SYNPR: variants seen among roughly 807,000 people sequenced by gnomAD.
The protein encoded by SYNPR is synaptoporin.
SYNPR carries 23 observed loss-of-function variants against 32.9 expected under a neutral mutation model. The observed-to-expected ratio is 0.70, with a 90% CI of 0.50 to 0.99. The LOEUF is 0.99. Ranked by LOEUF, SYNPR falls within the 50% of genes least tolerant of loss-of-function variation. SYNPR has a pLI of 0.00. For missense variants in SYNPR, 318 were observed against 349.3 expected (o/e 0.91, Z 0.71); for synonymous variants, 146 against 135.9 (o/e 1.07, Z -0.52).
intron 4 of SYNPR, among the ~76,000 whole-genome samples, chr3:63,604,992 C>T (rs200758631): frequency 1.3e-4 from 20 of 152,200 alleles, no homozygotes; most frequent in East Asian, 1.9e-4. Context: ...AACAAAATTG[C>T]GATCATTTTA....
intron 3 of SYNPR, among the ~76,000 whole-genome samples, chr3:63,522,819 G>T (rs1199346940): frequency 6.6e-6 from 1 of 152,114 alleles, no homozygotes; most frequent in East Asian, 1.9e-4. Context: ...AGGTCTGAGC[G>T]GAGGCAGAGA....
intron 2 of SYNPR, among the ~76,000 whole-genome samples, chr3:63,284,515 T>C (rs1003894466): frequency 1.3e-5 from 2 of 152,166 alleles, no homozygotes; most frequent in South Asian, 2.1e-4. Context: ...ACATCACCAT[T>C]TTCCCTTTCC....
chr3:63,603,185 C>G (rs993540933), intron 4 of SYNPR, among the ~76,000 whole-genome samples: 1 of 152,120 alleles, frequency 6.6e-6, no homozygotes, highest in East Asian at 1.9e-4. Flanking sequence ...GATATTTGTA[C>G]ACTGATTTTG....
At chr3:63,279,029 C>T (rs528603392) in intron 2 of SYNPR, among the ~76,000 whole-genome samples, 70 of 152,268 alleles carry the variant, frequency 4.6e-4, no homozygotes, top group African/African-American at 1.6e-3. Context: ...AAAGAAACCT[C>T]CCCCTTGGGA....
chr3:63,231,886 C>G (rs1421897462), intron 1 of SYNPR, among the ~76,000 whole-genome samples: 1 of 152,166 alleles, frequency 6.6e-6, no homozygotes, highest in Non-Finnish European at 1.5e-5. Context: ...TTTACTGGAG[C>G]ATTTACAGCA....
chr3:63,553,176 C>G (rs1327927159), intron 3 of SYNPR, among the ~76,000 whole-genome samples: 2 of 150,220 alleles, frequency 1.3e-5, no homozygotes, highest in African/African-American at 4.9e-5. Flanking sequence ...CACTGATAAG[C>G]AAGAACATGC....
At chr3:63,560,817 C>T (rs1399533759) in intron 4 of SYNPR, among the ~76,000 whole-genome samples, 1 of 152,124 alleles carries the variant, frequency 6.6e-6, no homozygotes, top group Non-Finnish European at 1.5e-5. Context: ...GGAACCACCC[C>T]CATGATCCAA....
chr3:63,582,000 T>C (rs1465240111), intron 4 of SYNPR, among the ~76,000 whole-genome samples: 3 of 152,144 alleles, frequency 2.0e-5, no homozygotes, highest in Non-Finnish European at 4.4e-5. Context: ...GCTTCCCAGG[T>C]GTTTTCCAAT....
intron 4 of SYNPR, among the ~76,000 whole-genome samples, chr3:63,573,210 A>G (rs1389576330): frequency 6.6e-6 from 1 of 152,188 alleles, no homozygotes; most frequent in Non-Finnish European, 1.5e-5. Context: ...CAGAAGATTT[A>G]GTAATCTAAA....
At chr3:63,604,162 C>T (rs1700084448) in intron 4 of SYNPR, among the ~76,000 whole-genome samples, 1 of 152,086 alleles carries the variant, frequency 6.6e-6, no homozygotes, top group Non-Finnish European at 1.5e-5. Flanking sequence ...AGTAGTTTCT[C>T]CACTCCATCT....
Position 63,386,926 on chromosome 3 carries a change from C to A in SYNPR, c.85-93906C>A, listed in dbSNP as rs553755759. Among the ~76,000 whole-genome samples, 318 of 152,324 alleles carry A rather than the reference C, an allele frequency of 2.1e-3. 13 individuals carry two copies. In the South Asian group the frequency reaches 0.059, roughly 28 times the overall value. On this transcript the variant is annotated intron_variant, in intron 2 of 5. Transcript: ENST00000478300. ...TGGGGACTCTGCTGAGTGGCCTCTG[C>A]TCTTCTTTCCAGATAATTAGGATAT...
chr3:63,300,578 C>G (rs870364), intron 2 of SYNPR, among the ~76,000 whole-genome samples: 67,619 of 151,838 alleles, frequency 0.45, 15,267 homozygotes, highest in Middle Eastern at 0.52. Flanking sequence ...AAGGTAGTCC[C>G]TGCTCTAGAG....
chr3:63,227,847 A>G (rs1242362976), upstream of SYNPR, among the ~76,000 whole-genome samples: 1 of 152,296 alleles, frequency 6.6e-6, no homozygotes, highest in Admixed American at 6.5e-5. Flanking sequence ...TTCTAACTCC[A>G]AGAGTTAGAA....
At chr3:63,399,879 G>C (rs1472914226) in intron 2 of SYNPR, among the ~76,000 whole-genome samples, 1 of 152,188 alleles carries the variant, frequency 6.6e-6, no homozygotes, top group Non-Finnish European at 1.5e-5. Flanking sequence ...AGTGTTGTCA[G>C]TTCCTAGTCT....
At position 63,595,977 on chromosome 3, in the gene SYNPR, TTATA is replaced by T. The variant is rs200491081; in HGVS notation, c.409-13139_409-13136del. 5.5e-4 allele frequency among the ~76,000 whole-genome samples: 52 copies of T among 94,404 alleles called. 1 individual carries two copies. Among genetic ancestry groups the T allele is most frequent in the Non-Finnish European group, 1.1e-3 (47 of 41,348 alleles). The allele number at this position is 94,404 out of a possible 152,430, so 61.9% of individuals were successfully genotyped here. A position where few individuals can be genotyped will look rare whatever the true frequency, so the allele number is the denominator to read the frequency against. ...TATATATATAGTTTTATATATAGTTTTATATATATATAGTTTTATATATATATAT... is the reference window on the plus strand; with the variant it reads ...TATATATATAGTTTTATATATAGTTTTATATATAGTTTTATATATATATAT... On this transcript the variant is annotated intron_variant, in intron 4 of 5. Coordinates refer to ENST00000478300, the MANE Select transcript of SYNPR (RefSeq NM_001130003.2).
chr3:63,450,187 C>T (rs528297390), intron 2 of SYNPR, among the ~76,000 whole-genome samples: 1 of 152,156 alleles, frequency 6.6e-6, no homozygotes, highest in Non-Finnish European at 1.5e-5. Context: ...CAGTAGTTCA[C>T]GGAATGTAGA....
chr3:63,523,477 C>G (rs1023936379), intron 3 of SYNPR, among the ~76,000 whole-genome samples: 1 of 152,250 alleles, frequency 6.6e-6, no homozygotes, highest in African/African-American at 2.4e-5. Context: ...CTGGCCACCC[C>G]CTACCTCATC....
At chr3:63,249,437 G>A (rs1334041209) in intron 1 of SYNPR, among the ~76,000 whole-genome samples, 1 of 152,018 alleles carries the variant, frequency 6.6e-6, no homozygotes, top group African/African-American at 2.4e-5. Context: ...GATTTTTATT[G>A]TCTATATTCT....
intron 2 of SYNPR, among the ~76,000 whole-genome samples, chr3:63,338,350 C>G (rs555875605): frequency 6.6e-6 from 1 of 152,264 alleles, no homozygotes; most frequent in African/African-American, 2.4e-5. Flanking sequence ...GTCTAGGTGT[C>G]TAGTTTCCTT....
Sources: allele counts gnomAD v4.1 joint callset (sites outside exome capture counted in the v4.1 genomes callset), GRCh38; gene constraint gnomAD v4.1.1; transcripts MANE v1.5; gene names NCBI Gene and HGNC (gene_info 2026-07-23, HGNC 2026-07-21).